Variants in UCN3 observed in about 807,000 individuals in gnomAD.
UCN3 encodes the protein urocortin-3.
Under a neutral mutation model 3.6 loss-of-function variants are expected in UCN3, and 3 were observed. The ratio of observed to expected loss-of-function variants is 0.83; its 90% CI spans 0.38 to 2.15. The LOEUF (loss-of-function observed/expected upper bound fraction) is 2.15. Among genes scored for constraint, UCN3 ranks in the 30% most tolerant of loss-of-function variants. The pLI is 0.06. For synonymous variants in UCN3, 100 were observed against 93.2 expected (o/e 1.07, Z -0.42); for missense variants, 206 against 208.3 (o/e 0.99, Z 0.07).
At chr10:5,373,591 G>T (rs1379309956) in intron 1 of UCN3, 124 bp from the exon 2 acceptor site, 19 of 1,442,960 alleles carry the variant, frequency 1.3e-5, no homozygotes, top group Non-Finnish European at 1.6e-5. Context: ...TGCTGGTCTG[G>T]GGGTCATACT....
In UCN3 at chr10:5,365,365, G is replaced by C. The variant is rs1183937518; in HGVS notation, c.-7+135G>C. ...CTGGGTGGAAGCCCAAGGGAGCGAT[G>C]CTGAACGCCCCCCACCCAATCAGCA... On this transcript the variant is annotated intron_variant, in intron 1 of 1. Transcript: ENST00000380433. The surrounding 1 kb of genome is among the most constrained non-coding windows in gnomAD (Gnocchi z 4.4). 6.6e-6 allele frequency: 1 copy of C among 152,474 alleles called. No homozygotes were observed. Among genetic ancestry groups the C allele is most frequent in the Non-Finnish European group, 1.5e-5 (1 of 68,254 alleles). The allele number at this position is 152,474 out of a possible 1,614,324, so 9.4% of individuals were successfully genotyped here.
intron 1 of UCN3, among the ~76,000 whole-genome samples, chr10:5,370,591 G>GCGTGTGTATATGCGTGTATA (rs1831377396): frequency 1.0e-5 from 1 of 97,400 alleles, no homozygotes; most frequent in Non-Finnish European, 2.0e-5. Context: ...GTGTGTATAT[G>GCGTGTGTATATGCGTGTATA]TGTGTGTGTA....
intron 1 of UCN3, among the ~76,000 whole-genome samples, chr10:5,372,215 T>G (rs1831439895): frequency 1.4e-4 from 22 of 152,224 alleles, no homozygotes; most frequent in African/African-American, 5.3e-4. Flanking sequence ...AAGGACTGAC[T>G]GCAGAATGGT....
intron 1 of UCN3, among the ~76,000 whole-genome samples, chr10:5,371,360 G>C (rs1554811553): frequency 6.6e-6 from 1 of 151,824 alleles, no homozygotes; most frequent in Non-Finnish European, 1.5e-5. Context: ...ATGTATATAT[G>C]TGTGTATCTG....
intron 1 of UCN3, among the ~76,000 whole-genome samples, chr10:5,368,151 G>GCA (rs1564441501): frequency 1.3e-5 from 2 of 152,068 alleles, no homozygotes; most frequent in East Asian, 3.9e-4. Flanking sequence ...TTACAGGCGT[G>GCA]TGCCACCACG....
At position 5,371,328 on chromosome 10, in the gene UCN3, G is replaced by A. The variant is rs372853464; in HGVS notation, c.-6-2387G>A. ...ATATGTATGTGTATGTACGTGTAAG[G>A]TGTGTATATGCACATGTGTGCATGT... On this transcript the variant is annotated intron_variant, in intron 1 of 1. Transcript: ENST00000380433. Among the ~76,000 whole-genome samples, 25 of 151,826 alleles carry A rather than the reference G, an allele frequency of 1.6e-4. No individual in the cohort carries two copies. The East Asian group carries it at 4.4e-3, about 27-fold the overall frequency.
chr10:5,371,713 G>A (rs1564444227), intron 1 of UCN3, among the ~76,000 whole-genome samples: 1 of 152,154 alleles, frequency 6.6e-6, no homozygotes, highest in Non-Finnish European at 1.5e-5. Context: ...CACTGTCACC[G>A]CAAGGAACAA....
chr10:5,369,680 A>T (rs1831305771), intron 1 of UCN3, among the ~76,000 whole-genome samples: 1 of 152,258 alleles, frequency 6.6e-6, no homozygotes, highest in Non-Finnish European at 1.5e-5. Flanking sequence ...TATGAAAAAT[A>T]TTAGTGCATA....
At chr10:5,372,277 T>A (rs564462970) in intron 1 of UCN3, among the ~76,000 whole-genome samples, 1 of 152,242 alleles carries the variant, frequency 6.6e-6, no homozygotes, top group East Asian at 1.9e-4. Flanking sequence ...CACAATATCC[T>A]CAGGGACAGT....
At position 5,374,460 on chromosome 10, in the gene UCN3, T is replaced by TC. The variant is rs1219025699; in HGVS notation, c.*256dup. The TC allele has an allele frequency of 1.1e-5, 5 of 461,732 alleles. No homozygotes were observed. The highest frequency in any genetic ancestry group is 9.9e-5 in the African/African-American group (5 of 50,484). The allele number at this position is 461,732 out of a possible 1,614,324, so 28.6% of individuals were successfully genotyped here. Reference sequence around the variant, plus strand: ...TTCCCAGACACAAAGCAGCTAACGTTCCTCCCTGTACTCAGCGTCTCCTTC... The same window carrying TC: ...TTCCCAGACACAAAGCAGCTAACGTTCCCTCCCTGTACTCAGCGTCTCCTTC... On this transcript the variant is annotated 3_prime_UTR_variant, in exon 2 of 2. Coordinates refer to ENST00000380433, the MANE Select transcript of UCN3 (RefSeq NM_053049.4).
rs1588404022 is a variant in UCN3 at position 5,374,456 on chromosome 10, A to C, written c.*250A>C. ...AACCTTCCCAGACACAAAGCAGCTA[A>C]CGTTCCTCCCTGTACTCAGCGTCTC... On this transcript the variant is annotated 3_prime_UTR_variant, in exon 2 of 2. Transcript: ENST00000380433. The C allele has an allele frequency of 6.1e-6, 3 of 489,378 alleles. No homozygotes were observed. The highest frequency in any genetic ancestry group is 7.9e-5 in the East Asian group (2 of 25,202). 30.3% of individuals were successfully genotyped at this position (489,378 alleles called of 1,614,324 possible). A position where few individuals can be genotyped will look rare whatever the true frequency, so the allele number is the denominator to read the frequency against.
rs1237684433 is a variant in UCN3 at position 5,367,758 on chromosome 10, G to A, written c.-7+2528G>A. 6.6e-6 allele frequency among the ~76,000 whole-genome samples: 1 copy of A among 152,248 alleles called. No individual in the cohort carries two copies. Among genetic ancestry groups the A allele is most frequent in the Non-Finnish European group, 1.5e-5 (1 of 68,048 alleles). On this transcript the variant is annotated intron_variant, in intron 1 of 1. Transcript: ENST00000380433. The surrounding 1 kb of genome is among the most constrained non-coding windows in gnomAD (Gnocchi z 4.3). Reference sequence around the variant, plus strand: ...GGCTTGAACTCAGAAAGTAGTCTGAGTTCTCAGTAATATTTGCAATTATTC... The same window carrying A: ...GGCTTGAACTCAGAAAGTAGTCTGAATTCTCAGTAATATTTGCAATTATTC...
Position 5,370,161 on chromosome 10 carries a change from GTA to G in UCN3, c.-6-3550_-6-3549del, listed in dbSNP as rs1230754519. Among the ~76,000 whole-genome samples, 13 of 80,852 alleles carry G rather than the reference GTA, an allele frequency of 1.6e-4. 2 individuals carry two copies. Among genetic ancestry groups the G allele is most frequent in the East Asian group, 9.4e-4 (2 of 2,126 alleles). The allele number at this position is 80,852 out of a possible 152,430, so 53.0% of individuals were successfully genotyped here. A position where few individuals can be genotyped will look rare whatever the true frequency, so the allele number is the denominator to read the frequency against. On this transcript the variant is annotated intron_variant, in intron 1 of 1. Coordinates refer to ENST00000380433, the MANE Select transcript of UCN3 (RefSeq NM_053049.4). ...TGTGTATGCGTGTGTATATGTGTGTGTATATGTGTGTGTATATGCGTGTGTAT... is the reference window on the plus strand; with the variant it reads ...TGTGTATGCGTGTGTATATGTGTGTGTATGTGTGTGTATATGCGTGTGTAT...
rs145525979 is a variant in UCN3, at chr10:5,371,003, A to C, written c.-6-2712A>C. 1.9e-4 allele frequency among the ~76,000 whole-genome samples: 28 copies of C among 148,636 alleles called. No homozygotes were observed. The East Asian group carries it at 2.7e-3, about 14-fold the overall frequency. ...ACATGTGAGGTATGTATGTGTGTGC[A>C]TATGTGTGCATATATATACGTGTGT... On this transcript the variant is annotated intron_variant, in intron 1 of 1. Transcript: ENST00000380433.
In UCN3 at chr10:5,370,745, T is replaced by G. The variant is rs1374955698; in HGVS notation, c.-6-2970T>G. ...GTATATGCGTGTGTATATGTGTGTG[T>G]ATATGATGTGTGTGTATATGCGTGT... On this transcript the variant is annotated intron_variant, in intron 1 of 1. Coordinates refer to ENST00000380433, the MANE Select transcript of UCN3 (RefSeq NM_053049.4). Among the ~76,000 whole-genome samples the G allele has an allele frequency of 3.3e-5, 4 of 121,264 alleles. 1 individual carries two copies. Among genetic ancestry groups the G allele is most frequent in the African/African-American group, 1.3e-4 (4 of 30,208 alleles). 79.6% of individuals were successfully genotyped at this position (121,264 alleles called of 152,430 possible).
chr10:5,371,230 A>G (rs111207957), intron 1 of UCN3, among the ~76,000 whole-genome samples: 29,104 of 149,828 alleles, frequency 0.19, 3,552 homozygotes, highest in South Asian at 0.32. Context: ...GCATGTATAA[A>G]TATGCATGTC....
Position 5,370,908 on chromosome 10 carries a change from CGTGTGTATATGCGTGTGTATATGT to C in UCN3, c.-6-2802_-6-2779del, listed in dbSNP as rs782110028. Reference sequence around the variant, plus strand: ...GCGTGTGTATATGCGTGTGTATATGCGTGTGTATATGCGTGTGTATATGTGTGTTCATGTGTATGTGTGTAAGGT... The same window carrying C: ...GCGTGTGTATATGCGTGTGTATATGCGTGTTCATGTGTATGTGTGTAAGGT... On this transcript the variant is annotated intron_variant, in intron 1 of 1. Coordinates refer to ENST00000380433, the MANE Select transcript of UCN3 (RefSeq NM_053049.4). Among the ~76,000 whole-genome samples, 423 of 76,690 alleles carry C rather than the reference CGTGTGTATATGCGTGTGTATATGT, an allele frequency of 5.5e-3. 17 individuals are homozygous for C. The highest frequency in any genetic ancestry group is 0.012 in the Middle Eastern group (1 of 84). The allele number at this position is 76,690 out of a possible 152,430, so 50.3% of individuals were successfully genotyped here. A position where few individuals can be genotyped will look rare whatever the true frequency, so the allele number is the denominator to read the frequency against.
chr10:5,373,198 C>A (rs1831453861), intron 1 of UCN3, among the ~76,000 whole-genome samples: 1 of 152,176 alleles, frequency 6.6e-6, no homozygotes, highest in African/African-American at 2.4e-5. Context: ...GAGAAACCAG[C>A]CTTAAAGATC....
At chr10:5,370,884 C>T (rs375607828) in intron 1 of UCN3, among the ~76,000 whole-genome samples, 2,231 of 31,778 alleles carry the variant, frequency 0.07, 99 homozygotes, top group African/African-American at 0.13. Context: ...TGTGTATATG[C>T]GTGTGTATAT....
Sources: gnomAD v4.1 joint callset for allele counts (sites outside exome capture counted in the v4.1 genomes callset) on GRCh38, gnomAD v4.1.1 for gene constraint, Gnocchi (gnomAD v3.1) non-coding constraint, MANE v1.5 for transcripts, NCBI Gene and HGNC (gene_info 2026-07-23, HGNC 2026-07-21) for gene names.